Variants in HMGXB3 observed in about 807,000 individuals in gnomAD.
The protein encoded by HMGXB3 is HMG-box containing 3.
Under a neutral mutation model 121.5 loss-of-function variants are expected in HMGXB3, and 45 were observed. The ratio of observed to expected loss-of-function variants is 0.37; its 90% CI spans 0.29 to 0.47. The LOEUF (loss-of-function observed/expected upper bound fraction) is 0.47, where lower values mean the gene tolerates loss of function less well. Ranked by LOEUF, HMGXB3 falls within the 20% of genes least tolerant of loss-of-function variation. HMGXB3 has a pLI of 0.99. For synonymous variants in HMGXB3, 590 were observed against 624.1 expected, an observed-to-expected ratio of 0.95 and a Z score of 0.81; for missense variants, 1,376 against 1,602.2, an observed-to-expected ratio of 0.86 and a Z score of 2.41.
chr5:150,028,408 TTA>T lies in HMGXB3; in HGVS notation c.1734+1305_1734+1306del, dbSNP rs1383296368. 2.0e-3 allele frequency among the ~76,000 whole-genome samples: 292 copies of T among 145,006 alleles called. 1 individual carries two copies. The highest frequency in any genetic ancestry group is 7.1e-3 in the African/African-American group (281 of 39,708). ...TTATTTTCTTTTCACAGACCCGATT[TTA>T]TATATATATATATGTATATATATAT... On this transcript the variant is annotated intron_variant, in intron 9 of 19. Coordinates refer to ENST00000502717, the MANE Select transcript of HMGXB3 (RefSeq NM_014983.3).
chr5:150,007,334 G>A (rs1755725618), intron 3 of HMGXB3, among the ~76,000 whole-genome samples: 1 of 152,158 alleles, frequency 6.6e-6, no homozygotes, highest in African/African-American at 2.4e-5. Flanking sequence ...TTTTTTGAGA[G>A]TATCCCTGTC....
chr5:150,041,606 G>A (rs1318910840), intron 14 of HMGXB3, among the ~76,000 whole-genome samples, 179 bp from the exon 15 acceptor site: 1 of 152,196 alleles, frequency 6.6e-6, no homozygotes. Context: ...TTGCTCTTTG[G>A]GTTGCCACCT....
Position 150,010,368 on chromosome 5 carries a change from G to A in HMGXB3, c.570G>A (p.Glu190=). The A allele has an allele frequency of 6.4e-7, 1 of 1,551,696 alleles. No homozygotes were observed. Among genetic ancestry groups the A allele is most frequent in the Admixed American group, 2.0e-5 (1 of 51,000 alleles). The change falls in exon 4 of 20, where the codon GAG becomes GAA. Residue 190 remains glutamate, a synonymous_variant. Coordinates refer to ENST00000502717, the MANE Select transcript of HMGXB3 (RefSeq NM_014983.3). ...EQCLAVEALA[E]EVGALTQSGA... ...GCCTGGCTGTGGAGGCCCTGGCTGA[G>A]GAGGTGGGAGCCCTTACCCAGTCAG...
At position 150,028,505 on chromosome 5, in the gene HMGXB3, ATGTGTGTGTGTGTG is replaced by A. The variant is rs1156746032; in HGVS notation, c.1734+1412_1734+1425del. ...TATATATATGTATATATATGTATGT[ATGTGTGTGTGTGTG>A]TGTGTGTGTGTGTGTGTGTGTGTAT... On this transcript the variant is annotated intron_variant, in intron 9 of 19. Transcript: ENST00000502717. 8.8e-5 allele frequency among the ~76,000 whole-genome samples: 8 copies of A among 90,492 alleles called. 1 individual carries two copies. Among genetic ancestry groups the A allele is most frequent in the African/African-American group, 5.2e-4 (8 of 15,250 alleles). The allele number at this position is 90,492 out of a possible 152,430, so 59.4% of individuals were successfully genotyped here. A position where few individuals can be genotyped will look rare whatever the true frequency, so the allele number is the denominator to read the frequency against.
In HMGXB3 at chr5:150,052,178, G is replaced by T; in HGVS notation, c.3865G>T (p.Ala1289Ser). ...GGAGGGTGAGGAAGAGGAGGTGGCC[G>T]CAGTGGCAGAATAAGCCAGGCTGTT... ...EEEGEEEEVA[A>S]VAE The change falls in exon 20 of 20, where the codon GCA becomes TCA. Residue 1289 changes from alanine (A) to serine (S), a missense_variant. This residue lies in a region of HMGXB3 where 260 missense variants were observed against 233.2 expected (regional missense o/e 1.11). Transcript: ENST00000502717. The T allele has an allele frequency of 1.9e-6, 3 of 1,544,390 alleles. No individual in the cohort carries two copies. Among genetic ancestry groups the T allele is most frequent in the South Asian group, 1.2e-5 (1 of 83,858 alleles).
intron 17 of HMGXB3, among the ~76,000 whole-genome samples, chr5:150,048,275 G>A (rs1437088213): frequency 6.6e-6 from 1 of 152,216 alleles, no homozygotes; most frequent in African/African-American, 2.4e-5. Flanking sequence ...AGATTCAAAT[G>A]TTAGCTCCCC....
chr5:150,052,575 G>C lies in HMGXB3; in HGVS notation c.*383G>C, dbSNP rs1324048058. The C allele has an allele frequency of 4.6e-6, 1 of 215,098 alleles. No homozygotes were observed. Among genetic ancestry groups the C allele is most frequent in the African/African-American group, 2.3e-5 (1 of 44,056 alleles). 13.3% of individuals were successfully genotyped at this position (215,098 alleles called of 1,614,324 possible). A position where few individuals can be genotyped will look rare whatever the true frequency, so the allele number is the denominator to read the frequency against. On this transcript the variant is annotated 3_prime_UTR_variant, in exon 20 of 20. Coordinates refer to ENST00000502717, the MANE Select transcript of HMGXB3 (RefSeq NM_014983.3). The stretch of plus-strand genomic sequence containing the variant: ...CAGCACTAGGTGGGAAGGCTGCTGA[G>C]GTCTCTCCCACCCCTGAGGAGCCCT...
chr5:150,020,821 C>T (rs529507682), intron 6 of HMGXB3, among the ~76,000 whole-genome samples: 44 of 150,770 alleles, frequency 2.9e-4, no homozygotes, highest in South Asian at 2.3e-3. Flanking sequence ...CTCACTGCAA[C>T]CTCTACCTCC....
Position 150,032,567 on chromosome 5 carries a change from T to C in HMGXB3, c.1947T>C (p.Leu649=). The C allele has an allele frequency of 6.4e-7, 1 of 1,552,278 alleles. No homozygotes were observed. The highest frequency in any genetic ancestry group is 8.7e-7 in the Non-Finnish European group (1 of 1,147,110). The change falls in exon 11 of 20, where the codon CTT becomes CTC. Residue 649 remains leucine (L), a synonymous_variant. Transcript: ENST00000502717. The part of the protein sequence containing the change: ...PRICPSCGVN[L]AKDRTEKTTK... ...TTTGTCCCAGCTGTGGTGTTAACCT[T>C]GCCAAAGACCGGACTGAGAAAACCA...
intron 4 of HMGXB3, 121 bp from the exon 5 acceptor site, chr5:150,012,134 G>T: frequency 1.5e-6 from 1 of 658,698 alleles, no homozygotes; most frequent in East Asian, 2.8e-5. Context: ...CTTTTGATAA[G>T]CACATTGGGA....
Position 150,010,364 on chromosome 5 carries a change from C to T in HMGXB3, c.566C>T (p.Ala189Val). 5 of 1,551,658 alleles carry T rather than the reference C, an allele frequency of 3.2e-6. No homozygotes were observed. Among genetic ancestry groups the T allele is most frequent in the Non-Finnish European group, 4.4e-6 (5 of 1,146,984 alleles). Residue 189 changes from alanine to valine, a missense_variant, in exon 4 of 20, where the codon GCT (alanine) becomes GTT (valine). This residue lies in a region of HMGXB3 where 1,116 missense variants were observed against 1,369.0 expected (regional missense o/e 0.82). Transcript: ENST00000502717. ...CAGTGCCTGGCTGTGGAGGCCCTGG[C>T]TGAGGAGGTGGGAGCCCTTACCCAG... ...AEQCLAVEAL[A>V]EEVGALTQSG...
intron 17 of HMGXB3, among the ~76,000 whole-genome samples, chr5:150,047,990 C>G (rs1581268043): frequency 6.6e-6 from 1 of 152,226 alleles, no homozygotes; most frequent in Non-Finnish European, 1.5e-5. Flanking sequence ...GTCAGGAATC[C>G]TGGCTCTCCT....
At chr5:150,004,509 T>G (rs960063528) in intron 1 of HMGXB3, among the ~76,000 whole-genome samples, 1 of 152,180 alleles carries the variant, frequency 6.6e-6, no homozygotes, top group Non-Finnish European at 1.5e-5. Context: ...TAATAAATCT[T>G]TGTGTTAAAG....
chr5:150,013,352 C>A (rs555812484), intron 5 of HMGXB3, among the ~76,000 whole-genome samples: 2 of 152,008 alleles, frequency 1.3e-5, no homozygotes, highest in African/African-American at 4.8e-5. Flanking sequence ...AAGAATTTTC[C>A]GGAAGTTGGT....
intron 4 of HMGXB3, 78 bp from the exon 5 acceptor site, chr5:150,012,177 G>C (rs1755855356): frequency 1.1e-6 from 1 of 941,112 alleles, no homozygotes; most frequent in African/African-American, 1.6e-5. Flanking sequence ...ACTTAATCCA[G>C]GCTTCCAGTG....
intron 19 of HMGXB3, among the ~76,000 whole-genome samples, chr5:150,050,872 G>C (rs981458488): frequency 6.6e-6 from 1 of 152,206 alleles, no homozygotes; most frequent in Non-Finnish European, 1.5e-5. Flanking sequence ...TGTGTTAAAA[G>C]AGGTTGCCTT....
At chr5:150,024,131 GTT>G (rs1756164946) in intron 6 of HMGXB3, 129 bp from the exon 7 acceptor site, 1 of 780,852 alleles carries the variant, frequency 1.3e-6, no homozygotes, top group Non-Finnish European at 1.9e-6. Context: ...GAGATCTTAA[GTT>G]AACTTCTTCC....
intron 3 of HMGXB3, among the ~76,000 whole-genome samples, chr5:150,008,055 TCACACACACACACACACACA>T (rs70973560): frequency 3.8e-5 from 5 of 130,026 alleles, no homozygotes; most frequent in Admixed American, 8.1e-5. Context: ...AGACTCTGTT[TCACACACACACACACACACA>T]CACACACACA....
chr5:150,024,110 G>T (rs1271549375), intron 6 of HMGXB3, among the ~76,000 whole-genome samples, 152 bp from the exon 7 acceptor site: 1 of 152,202 alleles, frequency 6.6e-6, no homozygotes, highest in Non-Finnish European at 1.5e-5. Context: ...ATTCAGGCTA[G>T]TTTTACACTT....
Sources: allele counts gnomAD v4.1 joint callset (sites outside exome capture counted in the v4.1 genomes callset), GRCh38; gene constraint gnomAD v4.1.1; regional missense constraint gnomAD v4.1.1; transcripts MANE v1.5; gene names NCBI Gene and HGNC (gene_info 2026-07-23, HGNC 2026-07-21).